The following TTN variants were observed in gnomAD, a reference collection of about 807,000 sequenced individuals.
TTN encodes connectin.
A neutral mutation model predicts 3,223.0 loss-of-function variants in TTN; 1,525 were observed. The observed-to-expected ratio is 0.47, with a 90% CI of 0.45 to 0.49. The LOEUF (loss-of-function observed/expected upper bound fraction) is 0.49, where lower values mean the gene tolerates loss of function less well. Among genes scored for constraint, TTN ranks in the 20% least tolerant of loss-of-function variants. TTN has a pLI of 0.00. For missense variants in TTN, 40,786 were observed against 43,424.0 expected (o/e 0.94, Z 5.40); for synonymous variants, 14,094 against 15,161.0 (o/e 0.93, Z 5.17).
At position 178,622,238 on chromosome 2, in the gene TTN, T is replaced by C. The variant is rs2058406428; in HGVS notation, c.44914-230A>G. Among the ~76,000 whole-genome samples, 3 of 151,926 alleles carry C rather than the reference T, an allele frequency of 2.0e-5. No individual in the cohort carries two copies. The South Asian group carries it at 6.2e-4, about 31-fold the overall frequency. ...TACTATTATCAGTTATTAAAAACAA[T>C]GGGATCATATAAGTTTAGAGCTATA... is the stretch of plus-strand genomic sequence containing the variant. On this transcript the variant is annotated intron_variant, in intron 243 of 362. Transcript: ENST00000589042.
At position 178,610,168 on chromosome 2, in the gene TTN, G is replaced by A. The variant is rs376834250; in HGVS notation, c.51358C>T (p.Arg17120Cys). 1.1e-5 allele frequency: 17 copies of A among 1,612,788 alleles called. No homozygotes were observed. Among genetic ancestry groups the A allele is most frequent in the Middle Eastern group, 1.6e-4 (1 of 6,074 alleles). Residue 17120 changes from arginine (R) to cysteine (C), a missense_variant, in exon 271 of 363, where the codon CGT becomes TGT. By Grantham distance (180) the Arg-to-Cys change is radical (BLOSUM62 -3). Coordinates refer to ENST00000589042, the MANE Select transcript of TTN (RefSeq NM_001267550.2). ...CCAACCTTGTTGACTGCTTTAACAC[G>A]GAAGAAGTATTCACCATTTGGTATG... ...DLIPNGEYFF[R>C]VKAVNKVGGG...
chr2:178,592,580 T>C lies in TTN; in HGVS notation c.59425A>G (p.Ile19809Val), dbSNP rs754507241. The change falls in exon 301 of 363, where the codon ATC becomes GTC. Residue 19809 changes from isoleucine (I) to valine (V), a missense_variant. Transcript: ENST00000589042. ...TTTGGGAATGGCACTCCTTTGATGA[T>C]GGCACTAAGTCTTAGAGTATCACCA... ...KVGDTLRLSA[I>V]IKGVPFPKVT... The C allele has an allele frequency of 6.2e-7, 1 of 1,613,498 alleles. No homozygotes were observed. The highest frequency in any genetic ancestry group is 8.5e-7 in the Non-Finnish European group (1 of 1,179,594).
Position 178,734,477 on chromosome 2 carries a change from C to G in TTN, c.15347G>C (p.Arg5116Pro), listed in dbSNP as rs769626460. Residue 5116 changes from arginine to proline, a missense_variant, in exon 52 of 363, where the codon CGA (arginine) becomes CCA (proline). Coordinates refer to ENST00000589042, the MANE Select transcript of TTN (RefSeq NM_001267550.2). ...AAACAATCTGTATTTTTTACTACTTCGAATTTGTTTCTTGTCTTTGAACCA... is the reference window on the plus strand; with the variant it reads ...AAACAATCTGTATTTTTTACTACTTGGAATTTGTTTCTTGTCTTTGAACCA... Reference protein sequence around the residue: ...ISWFKDKKQIRSSKKYRLFSQ... With the variant: ...ISWFKDKKQIPSSKKYRLFSQ... The G allele has an allele frequency of 6.2e-7, 1 of 1,613,684 alleles. No individual in the cohort carries two copies.
rs747337044 is a variant in TTN at position 178,531,907 on chromosome 2, G to C, written c.104708C>G (p.Ala34903Gly). ...ATACCTGGAAAAGATATCAAATCTT[G>C]CAGACCTCTCAAATCTCGAGAGTGA... ...ERSLSRFERS[A>G]RFDIFSRYES... Residue 34903 changes from alanine to glycine, a missense_variant, in exon 358 of 363, where the codon GCA becomes GGA. By Grantham distance (60) the Ala-to-Gly change is moderately conservative. Coordinates refer to ENST00000589042, the MANE Select transcript of TTN (RefSeq NM_001267550.2). 6.2e-7 allele frequency: 1 copy of C among 1,612,670 alleles called. No individual in the cohort carries two copies. Among genetic ancestry groups the C allele is most frequent in the Non-Finnish European group, 8.5e-7 (1 of 1,179,152 alleles).
rs1271062327 is a variant in TTN, at chr2:178,719,723, G to A, written c.23769C>T (p.Phe7923=). 1.9e-6 allele frequency: 3 copies of A among 1,613,672 alleles called. No individual in the cohort carries two copies. Among genetic ancestry groups the A allele is most frequent in the Non-Finnish European group, 2.5e-6 (3 of 1,179,688 alleles). The part of the protein sequence containing the change: ...TGTPELSAKW[F]KDGRELSADS... ...CTGCAGACAATTCTCTTCCATCTTT[G>A]AACCACTTGGCTGAGAGTTCTGGTG... Residue 7923 remains phenylalanine, a synonymous_variant, in exon 82 of 363, where the codon TTC becomes TTT. Coordinates refer to ENST00000589042, the MANE Select transcript of TTN (RefSeq NM_001267550.2).
rs748716483 is a variant in TTN at position 178,636,629 on chromosome 2, C to T, written c.41098G>A (p.Val13700Ile). The change falls in exon 225 of 363, where the codon GTT becomes ATT. Residue 13700 changes from valine to isoleucine, a missense_variant. By Grantham distance (29) the Val-to-Ile change is conservative. Transcript: ENST00000589042. This position sits in a 1 kb window ranked among gnomAD's most constrained non-coding sequence, Gnocchi z 4.3. ...KDIILTESEF[V>I]GSSAIFECLV... ...CATTCAAAGATTGCTGAAGAGCCAA[C>T]GAACTCTGATTCTGTCAAGATGATG... is the stretch of plus-strand genomic sequence containing the variant. 15 of 1,613,266 alleles carry T rather than the reference C, an allele frequency of 9.3e-6. No individual in the cohort carries two copies. The highest frequency in any genetic ancestry group is 3.3e-5 in the Admixed American group (2 of 59,962).
chr2:178,539,030 G>T lies in TTN; in HGVS notation c.98905C>A (p.Gln32969Lys). ...TCATTCTGTGCGATGATGCGGAACT[G>T]ATACTCAGCATCGGGAACAAGCCCT... ...VTGLVPDAEY[Q>K]FRIIAQNDVG... The change falls in exon 353 of 363, where the codon CAG becomes AAG. Residue 32969 changes from glutamine (Q) to lysine (K), a missense_variant. Physicochemically the swap from Gln to Lys is moderately conservative, Grantham distance 53. Coordinates refer to ENST00000589042, the MANE Select transcript of TTN (RefSeq NM_001267550.2). The T allele has an allele frequency of 1.2e-6, 2 of 1,613,766 alleles. No individual in the cohort carries two copies. Among genetic ancestry groups the T allele is most frequent in the South Asian group, 2.2e-5 (2 of 91,074 alleles).
Position 178,609,862 on chromosome 2 carries a change from A to C in TTN, c.51561T>G (p.Ile17187Met). 1.2e-6 allele frequency: 2 copies of C among 1,612,968 alleles called. No homozygotes were observed. Among genetic ancestry groups the C allele is most frequent in the Non-Finnish European group, 1.7e-6 (2 of 1,179,274 alleles). ...TCTTCCACCTTTCTTCACCCTTAGCAATCTTCTCTATGATGTAGCCCATTA... is the reference window on the plus strand; with the variant it reads ...TCTTCCACCTTTCTTCACCCTTAGCCATCTTCTCTATGATGTAGCCCATTA... Reference protein sequence around the residue: ...SKIMGYIIEKIAKGEERWKRC... With the variant: ...SKIMGYIIEKMAKGEERWKRC... Residue 17187 changes from isoleucine (I) to methionine (M), a missense_variant, in exon 272 of 363, where the codon ATT (isoleucine) becomes ATG (methionine). Transcript: ENST00000589042.
intron 47 of TTN, chr2:178,746,697 C>A: frequency 1.9e-6 from 3 of 1,613,196 alleles, no homozygotes; most frequent in Non-Finnish European, 2.5e-6. Context: ...CACACATTAC[C>A]CACTCTTTCC....
chr2:178,573,914 G>A lies in TTN; in HGVS notation c.72218C>T (p.Thr24073Ile). ...WSKDGKELEG[T>I]AKLEIKIADF... ...TGCAATTTTTATTTCTAACTTTGCT[G>A]TGCCTTCCAGCTCTTTTCCATCTTT... Residue 24073 changes from threonine (T) to isoleucine (I), a missense_variant, in exon 326 of 363, where the codon ACA (threonine) becomes ATA (isoleucine). Physicochemically the swap from Thr to Ile is moderately conservative, Grantham distance 89. Coordinates refer to ENST00000589042, the MANE Select transcript of TTN (RefSeq NM_001267550.2). 3 of 1,612,340 alleles carry A rather than the reference G, an allele frequency of 1.9e-6. No individual in the cohort carries two copies. The highest frequency in any genetic ancestry group is 1.7e-6 in the Non-Finnish European group (2 of 1,178,820).
chr2:178,647,501 A>G, intron 213 of TTN, 37 bp from the exon 214 acceptor site: 2 of 1,539,634 alleles, frequency 1.3e-6, no homozygotes, highest in Admixed American at 3.9e-5. Context: ...TTAAGAATTT[A>G]GAAGACATGC....
intron 313 of TTN, 114 bp from the exon 314 acceptor site, chr2:178,582,706 G>A: frequency 2.7e-6 from 3 of 1,114,468 alleles, no homozygotes; most frequent in Non-Finnish European, 3.7e-6. Context: ...TGACCTAGGA[G>A]GTTAGTTAAT....
intron 88 of TTN, among the ~76,000 whole-genome samples, chr2:178,716,330 T>C (rs2077474666): frequency 6.6e-6 from 1 of 152,196 alleles, no homozygotes; most frequent in African/African-American, 2.4e-5. Flanking sequence ...AGAGTAATGA[T>C]TTCCTCATTA....
At position 178,653,317 on chromosome 2, in the gene TTN, T is replaced by A. The variant is rs2154251772; in HGVS notation, c.38712A>T (p.Pro12904=). 6.2e-7 allele frequency: 1 copy of A among 1,612,326 alleles called. No homozygotes were observed. The highest frequency in any genetic ancestry group is 8.5e-7 in the Non-Finnish European group (1 of 1,179,522). ...CAAGGACAACTTCTTTGGGAGCCTC[T>A]GGCACTTAAAAGATATTAGTAAAGT... ...KKPEVPPVTV[P]EAPKEVVLEK... Residue 12904 remains proline (P), a synonymous_variant, in exon 198 of 363, where the codon CCA becomes CCT. Transcript: ENST00000589042.
intron 116 of TTN, 22 bp downstream of exon 116, chr2:178,694,807 C>T: frequency 6.5e-7 from 1 of 1,540,102 alleles, no homozygotes. Context: ...TACATGGGTG[C>T]TAGGAATGTT....
chr2:178,543,635 T>G lies in TTN; in HGVS notation c.96338A>C (p.Lys32113Thr), dbSNP rs1377494437. ...YDTPGPCPSV[K>T]VKEVSRDSVT... is the part of the protein sequence containing the mutation. ...AGAATCTCTTGATACTTCCTTAACT[T>G]TCACTGAAGGACAGGGACCAGGAGT... Residue 32113 changes from lysine (K) to threonine (T), a missense_variant, in exon 347 of 363, where the codon AAA (lysine) becomes ACA (threonine). By Grantham distance (78) the Lys-to-Thr change is moderately conservative. Coordinates refer to ENST00000589042, the MANE Select transcript of TTN (RefSeq NM_001267550.2). The G allele has an allele frequency of 6.3e-7, 1 of 1,599,090 alleles. No homozygotes were observed. Among genetic ancestry groups the G allele is most frequent in the Middle Eastern group, 1.6e-4 (1 of 6,064 alleles).
chr2:178,584,378 C>G lies in TTN; in HGVS notation c.65173G>C (p.Val21725Leu), dbSNP rs368716894. 3.1e-6 allele frequency: 5 copies of G among 1,613,278 alleles called. No homozygotes were observed. The highest frequency in any genetic ancestry group is 4.2e-6 in the Non-Finnish European group (5 of 1,179,472). ...RSTEYPCAGL[V>L]EGLEYSFRIY... ...CTGAATGAATACTCAAGACCTTCTA[C>G]AAGGCCAGCACAAGGATATTCAGTT... The change falls in exon 311 of 363, where the codon GTA (valine) becomes CTA (leucine). Residue 21725 changes from valine to leucine, a missense_variant. Coordinates refer to ENST00000589042, the MANE Select transcript of TTN (RefSeq NM_001267550.2).
chr2:178,693,986 C>A lies in TTN; in HGVS notation c.31449G>T (p.Lys10483Asn). The change falls in exon 118 of 363, where the codon AAG becomes AAT. Residue 10483 changes from lysine to asparagine, a missense_variant. Physicochemically the swap from Lys to Asn is moderately conservative, Grantham distance 94. Coordinates refer to ENST00000589042, the MANE Select transcript of TTN (RefSeq NM_001267550.2). ...EVKVPAVHTK[K>N]MVISEEKMFF... is the part of the protein sequence containing the mutation. The stretch of plus-strand genomic sequence containing the variant: ...ACATCTTTTCTTCTGAAATAACCAT[C>A]TTCTTTGTATGCACAGCTGGTACTT... 2 of 1,612,136 alleles carry A rather than the reference C, an allele frequency of 1.2e-6. No homozygotes were observed. Among genetic ancestry groups the A allele is most frequent in the African/African-American group, 2.7e-5 (2 of 75,024 alleles).
At chr2:178,678,617 T>A in intron 143 of TTN, 120 bp from the exon 144 acceptor site, 1 of 1,149,104 alleles carries the variant, frequency 8.7e-7, no homozygotes, top group Non-Finnish European at 1.2e-6. Context: ...AAGAAGCATT[T>A]TATTTTTAAA....
Sources: gnomAD v4.1 joint callset for allele counts (sites outside exome capture counted in the v4.1 genomes callset) on GRCh38, gnomAD v4.1.1 for gene constraint, Gnocchi (gnomAD v3.1) non-coding constraint, MANE v1.5 for transcripts, NCBI Gene and HGNC (gene_info 2026-07-23, HGNC 2026-07-21) for gene names.